RPAIN: variants seen among roughly 807,000 people sequenced by gnomAD.
The protein encoded by RPAIN is RPA-interacting protein.
In RPAIN, 29 loss-of-function variants were observed where a neutral mutation model predicts 30.5. That is an observed-to-expected ratio of 0.95 (90% CI 0.71 to 1.30). RPAIN has a LOEUF of 1.30. Among genes scored for constraint, RPAIN ranks in the 50% most tolerant of loss-of-function variants. The pLI is 0.00. For synonymous variants in RPAIN, 101 were observed against 93.5 expected, an observed-to-expected ratio of 1.08 and a Z score of -0.46; for missense variants, 247 against 264.7, an observed-to-expected ratio of 0.93 and a Z score of 0.46.
At chr17:5,424,518 TGCATTGTCTG>T (rs1409978677) in intron 3 of RPAIN, among the ~76,000 whole-genome samples, 6 of 152,208 alleles carry the variant, frequency 3.9e-5, no homozygotes, top group Non-Finnish European at 7.3e-5. Flanking sequence ...GAAGACTTAG[TGCATTGTCTG>T]GCATATAGAG....
At chr17:5,421,095 G>A (rs1396155759) in intron 1 of RPAIN, among the ~76,000 whole-genome samples, 1 of 152,102 alleles carries the variant, frequency 6.6e-6, no homozygotes, top group East Asian at 1.9e-4. Context: ...TAAAAAATAT[G>A]GTTCTTTGTA....
At chr17:5,426,138 T>C (rs771892696) in intron 4 of RPAIN, 56 bp downstream of exon 4, 120 of 1,540,976 alleles carry the variant, frequency 7.8e-5, no homozygotes, top group Non-Finnish European at 1.0e-4. Flanking sequence ...CACTCCAAGG[T>C]GAGTGGAATC....
intron 3 of RPAIN, chr17:5,425,292 G>A (rs1184804039): frequency 2.2e-6 from 1 of 455,718 alleles, no homozygotes; most frequent in African/African-American, 2.0e-5. Flanking sequence ...CAGATTCCAA[G>A]TATGTGGAAT....
chr17:5,427,932 G>A, intron 5 of RPAIN, 139 bp from the exon 6 acceptor site: 1 of 778,766 alleles, frequency 1.3e-6, no homozygotes, highest in Non-Finnish European at 2.2e-6. Flanking sequence ...TACAGTCATG[G>A]GCCCGAGTGT....
Position 5,432,726 on chromosome 17 carries a change from G to C in RPAIN, c.*155G>C. ...AAAACTTTTCCGACATCTGTTCTTG[G>C]TCTTTTGTGACGCAGGTTGAAGGGG... is the stretch of plus-strand genomic sequence containing the variant. On this transcript the variant is annotated 3_prime_UTR_variant, in exon 7 of 7. Transcript: ENST00000381209. 1 of 858,862 alleles carries C rather than the reference G, an allele frequency of 1.2e-6. No individual in the cohort carries two copies. Among genetic ancestry groups the C allele is most frequent in the East Asian group, 2.6e-5 (1 of 37,874 alleles). 53.2% of individuals were successfully genotyped at this position (858,862 alleles called of 1,614,324 possible).
chr17:5,425,428 T>C (rs8067894), intron 3 of RPAIN: 128,270 of 430,074 alleles, frequency 0.3, 23,207 homozygotes, highest in East Asian at 0.81. Flanking sequence ...CTCCGCCTCC[T>C]GGGTTCAAGT....
At chr17:5,421,641 A>C (rs1914850658) in intron 2 of RPAIN, 175 bp downstream of exon 2, 1 of 511,512 alleles carries the variant, frequency 2.0e-6, no homozygotes, top group African/African-American at 2.0e-5. Flanking sequence ...TGTCTAGATG[A>C]AATGGTCTGA....
intron 6 of RPAIN, chr17:5,430,181 G>A (rs970478036): frequency 6.8e-6 from 1 of 146,064 alleles, no homozygotes; most frequent in Non-Finnish European, 1.5e-5. Flanking sequence ...AACAGAATTG[G>A]TGGCTGAGTG....
At position 5,423,898 on chromosome 17, in the gene RPAIN, G is replaced by A. The variant is rs373326272; in HGVS notation, c.313+1069G>A. Reference sequence around the variant, plus strand: ...CTTCTGAATAGCTGGGATCATAGGCGTGTGCCACCACCCCTGGCTAATTTT... The same window carrying A: ...CTTCTGAATAGCTGGGATCATAGGCATGTGCCACCACCCCTGGCTAATTTT... On this transcript the variant is annotated intron_variant, in intron 3 of 6. Coordinates refer to ENST00000381209, the MANE Select transcript of RPAIN (RefSeq NM_001033002.4). Among the ~76,000 whole-genome samples the A allele has an allele frequency of 1.3e-4, 19 of 151,070 alleles. No homozygotes were observed. In the East Asian group the frequency reaches 2.2e-3, roughly 17 times the overall value.
At chr17:5,428,374 C>T in intron 6 of RPAIN, 163 bp downstream of exon 6, 1 of 1,505,004 alleles carries the variant, frequency 6.6e-7, no homozygotes, top group Non-Finnish European at 8.9e-7. Context: ...GTCATTTAGA[C>T]TCAAAGGCCA....
At chr17:5,425,877 C>T in intron 3 of RPAIN, 94 bp from the exon 4 acceptor site, 2 of 765,720 alleles carry the variant, frequency 2.6e-6, no homozygotes, top group Middle Eastern at 3.0e-4. Flanking sequence ...AAATCTTTCC[C>T]TCGTGTGAAG....
Position 5,432,840 on chromosome 17 carries a change from G to T in RPAIN, c.*269G>T. On this transcript the variant is annotated 3_prime_UTR_variant, in exon 7 of 7. Transcript: ENST00000381209. ...ACAAAAATCTAGAAATAATAGATTT[G>T]TACAGAAAAAAATGATAATAAATGA... The T allele has an allele frequency of 2.1e-6, 2 of 935,190 alleles. No individual in the cohort carries two copies. The highest frequency in any genetic ancestry group is 3.0e-6 in the Non-Finnish European group (2 of 658,080). 57.9% of individuals were successfully genotyped at this position (935,190 alleles called of 1,614,324 possible).
chr17:5,425,834 TA>T, intron 3 of RPAIN, 136 bp from the exon 4 acceptor site: 5 of 617,804 alleles, frequency 8.1e-6, no homozygotes, highest in Non-Finnish European at 1.4e-5. Context: ...TGAGAGAGCA[TA>T]AAAACCAGTC....
rs569508732 is a variant in RPAIN, at chr17:5,421,198, T to G, written c.82-98T>G. The G allele has an allele frequency of 2.1e-4, 266 of 1,242,694 alleles. 1 individual carries two copies. Among genetic ancestry groups the G allele is most frequent in the Non-Finnish European group, 2.8e-4 (248 of 901,720 alleles). 77.0% of individuals were successfully genotyped at this position (1,242,694 alleles called of 1,614,324 possible). A position where few individuals can be genotyped will look rare whatever the true frequency, so the allele number is the denominator to read the frequency against. On this transcript the variant is annotated intron_variant, in intron 1 of 6. Transcript: ENST00000381209. ...AGTATTATCATTGAAATTTTGTGTC[T>G]ATAAACTTTCTTTAATGTTTTCTCA...
chr17:5,431,161 GGTAA>G (rs893829541), intron 6 of RPAIN: 5 of 321,242 alleles, frequency 1.6e-5, no homozygotes, highest in South Asian at 5.2e-5. Context: ...ACCATTGTTG[GGTAA>G]GTGAGGGGAG....
chr17:5,420,411 A>T, intron 1 of RPAIN, 120 bp downstream of exon 1: 1 of 781,252 alleles, frequency 1.3e-6, no homozygotes, highest in South Asian at 1.8e-5. Flanking sequence ...GTCTGGTCAA[A>T]CCCAGGCCTG....
chr17:5,426,338 C>G (rs757072184), intron 5 of RPAIN, 39 bp downstream of exon 5: 3 of 1,544,762 alleles, frequency 1.9e-6, no homozygotes, highest in East Asian at 2.2e-5. Context: ...TACTTCTTCC[C>G]ACATGGATCT....
chr17:5,426,180 T>G, intron 4 of RPAIN, 56 bp from the exon 5 acceptor site: 1 of 1,590,882 alleles, frequency 6.3e-7, no homozygotes, highest in Non-Finnish European at 8.6e-7. Context: ...AAATTCAAGG[T>G]TTGGAGATCC....
intron 3 of RPAIN, among the ~76,000 whole-genome samples, chr17:5,424,645 G>A (rs561005001): frequency 3.9e-5 from 6 of 152,250 alleles, no homozygotes; most frequent in South Asian, 4.1e-4. Flanking sequence ...GTGTGGCACC[G>A]ACCAAAGCAC....
Sources: gnomAD v4.1 joint callset for allele counts (sites outside exome capture counted in the v4.1 genomes callset) on GRCh38, gnomAD v4.1.1 for gene constraint, MANE v1.5 for transcripts, NCBI Gene and HGNC (gene_info 2026-07-23, HGNC 2026-07-21) for gene names.